The following ARHGAP32 variants were observed in gnomAD, a reference collection of about 807,000 sequenced individuals.
ARHGAP32 encodes the protein rho GTPase-activating protein 32.
In ARHGAP32, 51 loss-of-function variants were observed where a neutral mutation model predicts 186.5. That is an observed-to-expected ratio of 0.27 (90% CI 0.22 to 0.35). ARHGAP32 has a LOEUF of 0.35. Among genes scored for constraint, ARHGAP32 ranks in the 10% least tolerant of loss-of-function variants. ARHGAP32 has a pLI of 1.00. For synonymous variants in ARHGAP32, 950 were observed against 964.3 expected, an observed-to-expected ratio of 0.99 and a Z score of 0.27; for missense variants, 2,186 against 2,623.5, an observed-to-expected ratio of 0.83 and a Z score of 3.64.
Position 129,192,214 on chromosome 11 carries a change from CA to C in ARHGAP32, c.-17del, listed in dbSNP as rs200194729. ...CAGTCTCCATCTTGTACTTAAAAAACAAAAAAAACTAAACCTCCAGGCATGG... is the reference window on the plus strand; with the variant it reads ...CAGTCTCCATCTTGTACTTAAAAAACAAAAAAACTAAACCTCCAGGCATGG... On this transcript the variant is annotated 5_prime_UTR_variant, in exon 1 of 23. An upstream open reading frame in the 5' UTR gains an earlier in-frame stop. Coordinates refer to ENST00000682385, the MANE Select transcript of ARHGAP32 (RefSeq NM_001378024.1). 10 of 1,573,514 alleles carry C rather than the reference CA, an allele frequency of 6.4e-6. No homozygotes were observed. The highest frequency in any genetic ancestry group is 2.7e-5 in the African/African-American group (2 of 73,602).
At chr11:129,103,918 C>G (rs1941976128) in intron 5 of ARHGAP32, among the ~76,000 whole-genome samples, 1 of 151,928 alleles carries the variant, frequency 6.6e-6, no homozygotes, top group Admixed American at 6.6e-5. Flanking sequence ...AGAAATGGTA[C>G]TAGACAAAAA....
intron 1 of ARHGAP32, among the ~76,000 whole-genome samples, chr11:129,250,550 C>G (rs1207281849): frequency 1.3e-5 from 2 of 151,976 alleles, no homozygotes; most frequent in African/African-American, 2.4e-5. Flanking sequence ...TTTAATAAAC[C>G]ATACTTTGAA....
chr11:128,970,089 A>C lies in ARHGAP32; in HGVS notation c.5124T>G (p.Pro1708=). The C allele has an allele frequency of 6.2e-7, 1 of 1,614,170 alleles. No individual in the cohort carries two copies. The highest frequency in any genetic ancestry group is 8.5e-7 in the Non-Finnish European group (1 of 1,180,046). ...TGTACAAGCTCTTTCCTTGCAGCCT[A>C]GGATTGTAGAAAGCAAAGTCTCGAT... is the stretch of plus-strand genomic sequence containing the variant. ...LPNRDFAFYN[P]RLQGKSLYSY... The change falls in exon 23 of 23, where the codon CCT becomes CCG. Residue 1708 remains proline (P), a synonymous_variant. Transcript: ENST00000682385. This position sits in a 1 kb window ranked among gnomAD's most constrained non-coding sequence, Gnocchi z 5.8.
intron 11 of ARHGAP32, among the ~76,000 whole-genome samples, chr11:129,005,499 T>G (rs184070758): frequency 1.3e-5 from 2 of 152,324 alleles, no homozygotes; most frequent in Admixed American, 1.3e-4. Context: ...TTCTTCATGT[T>G]TGAAGGATAT....
chr11:129,231,393 T>C (rs1944856876), intron 1 of ARHGAP32, among the ~76,000 whole-genome samples: 1 of 152,144 alleles, frequency 6.6e-6, no homozygotes, highest in Non-Finnish European at 1.5e-5. Flanking sequence ...GCAAAATGCT[T>C]GGAATATCTT....
intron 5 of ARHGAP32, among the ~76,000 whole-genome samples, chr11:129,096,330 C>T (rs182102719): frequency 2.1e-4 from 32 of 152,252 alleles, no homozygotes; most frequent in Middle Eastern, 3.4e-3. Flanking sequence ...TCTGGAAAAA[C>T]GGCAGACTCA....
At chr11:129,100,087 G>A (rs1001036642) in intron 5 of ARHGAP32, among the ~76,000 whole-genome samples, 1 of 152,210 alleles carries the variant, frequency 6.6e-6, no homozygotes, top group African/African-American at 2.4e-5. Flanking sequence ...AATTGGCAGG[G>A]AGAGCTTCTT....
chr11:129,066,476 G>A (rs1406954844), intron 7 of ARHGAP32, among the ~76,000 whole-genome samples: 1 of 151,906 alleles, frequency 6.6e-6, no homozygotes, highest in Non-Finnish European at 1.5e-5. Flanking sequence ...GTGCTCTCTG[G>A]AGAATGTTTT....
chr11:129,011,433 C>T lies in ARHGAP32; in HGVS notation c.1046-12965G>A, dbSNP rs117206391. ...GCTAATAAAAAAATAAACAGGGTGA[C>T]GTATTAGTGACTTGAAAGAAACTGC... On this transcript the variant is annotated intron_variant, in intron 11 of 22. Coordinates refer to ENST00000682385, the MANE Select transcript of ARHGAP32 (RefSeq NM_001378024.1). Among the ~76,000 whole-genome samples, 49 of 152,042 alleles carry T rather than the reference C, an allele frequency of 3.2e-4. No individual in the cohort carries two copies. The East Asian group carries it at 7.4e-3, about 23-fold the overall frequency.
intron 1 of ARHGAP32, among the ~76,000 whole-genome samples, chr11:129,176,763 A>G (rs1449345327): frequency 5.5e-4 from 79 of 143,622 alleles, no homozygotes; most frequent in Admixed American, 8.3e-4. Flanking sequence ...AACATACCAG[A>G]ATCTCTGGGA....
chr11:129,259,388 T>A (rs1296002564), intron 1 of ARHGAP32, among the ~76,000 whole-genome samples: 3 of 152,126 alleles, frequency 2.0e-5, no homozygotes, highest in Non-Finnish European at 4.4e-5. Flanking sequence ...ATTTTCATAC[T>A]GAGAGATGTT....
chr11:129,121,728 G>C (rs1011458206), intron 5 of ARHGAP32, among the ~76,000 whole-genome samples: 1 of 151,978 alleles, frequency 6.6e-6, no homozygotes, highest in African/African-American at 2.4e-5. Context: ...AAGTGCAATG[G>C]GGAAAGTGAA....
chr11:129,091,647 A>G (rs1031757009), intron 6 of ARHGAP32, among the ~76,000 whole-genome samples: 2 of 152,124 alleles, frequency 1.3e-5, no homozygotes. Context: ...AGACTCTGAA[A>G]CAGATTACAT....
intron 15 of ARHGAP32, among the ~76,000 whole-genome samples, chr11:128,984,416 A>G (rs558260199): frequency 2.0e-5 from 3 of 152,148 alleles, no homozygotes; most frequent in Admixed American, 2.0e-4. Flanking sequence ...ACCACCATAT[A>G]TGTAGATTAA....
At chr11:129,118,641 A>G (rs2135366966) in intron 5 of ARHGAP32, among the ~76,000 whole-genome samples, 1 of 152,216 alleles carries the variant, frequency 6.6e-6, no homozygotes, top group South Asian at 2.1e-4. Context: ...GGCAAAGATT[A>G]AGTCCCCAGT....
At chr11:129,111,242 C>A (rs777790103) in intron 5 of ARHGAP32, among the ~76,000 whole-genome samples, 48 of 152,202 alleles carry the variant, frequency 3.2e-4, no homozygotes, top group Non-Finnish European at 5.4e-4. Context: ...TTGTGTATGT[C>A]AAAACATCTT....
chr11:129,049,891 C>G (rs950976079), intron 10 of ARHGAP32, among the ~76,000 whole-genome samples: 10 of 152,004 alleles, frequency 6.6e-5, no homozygotes, highest in Admixed American at 5.9e-4. Context: ...ACAGTTAGAT[C>G]GTGTGGTAAG....
chr11:129,200,441 T>A (rs1382382968), intron 1 of ARHGAP32, among the ~76,000 whole-genome samples: 2 of 152,180 alleles, frequency 1.3e-5, no homozygotes, highest in African/African-American at 2.4e-5. Flanking sequence ...AGTAAGTAAG[T>A]CTCAAAAGAT....
Position 129,158,045 on chromosome 11 carries a change from A to T in ARHGAP32, c.225+6274T>A, listed in dbSNP as rs1943450257. On this transcript the variant is annotated intron_variant, in intron 2 of 22. Transcript: ENST00000682385. ...AATGCTGAGAAATTTTGTCACCACC[A>T]GGCCTGTCTTACAAGAACTCCTTAA... 1.3e-5 allele frequency among the ~76,000 whole-genome samples: 2 copies of T among 152,196 alleles called. 1 individual carries two copies. Among genetic ancestry groups the T allele is most frequent in the South Asian group, 4.1e-4 (2 of 4,826 alleles).
Sources: gnomAD v4.1 joint callset for allele counts (sites outside exome capture counted in the v4.1 genomes callset) on GRCh38, gnomAD v4.1.1 for gene constraint, Gnocchi (gnomAD v3.1) non-coding constraint, MANE v1.5 for transcripts, NCBI Gene and HGNC (gene_info 2026-07-23, HGNC 2026-07-21) for gene names.